Variants in GLIS3 observed in about 807,000 individuals in gnomAD.
The protein encoded by GLIS3 is zinc finger protein GLIS3.
A neutral mutation model predicts 78.6 loss-of-function variants in GLIS3; 53 were observed. That is an observed-to-expected ratio of 0.67 (90% CI 0.54 to 0.85). GLIS3 has a LOEUF of 0.85. GLIS3 is among the 40% of genes least tolerant of loss of function. The probability of loss-of-function intolerance (pLI) is 0.00; values close to 1 mark genes in which losing one functional copy is unlikely to be tolerated. For missense variants in GLIS3, 1,703 were observed against 1,231.1 expected (o/e 1.38, Z -5.74); for synonymous variants, 684 against 509.9 (o/e 1.34, Z -4.60).
chr9:3,892,668 AAC>A (rs1474400199), intron 7 of GLIS3, among the ~76,000 whole-genome samples: 2 of 151,858 alleles, frequency 1.3e-5, no homozygotes, highest in Non-Finnish European at 1.5e-5. Flanking sequence ...CCTGAATAGG[AAC>A]AGTTTTTTTT....
At chr9:3,894,544 T>C (rs995461965) in intron 7 of GLIS3, among the ~76,000 whole-genome samples, 6 of 152,152 alleles carry the variant, frequency 3.9e-5, no homozygotes, top group Non-Finnish European at 5.9e-5. Flanking sequence ...AAATCCTGTA[T>C]AGATTTTTAT....
chr9:3,932,495 C>G (rs1825681155), intron 5 of GLIS3, 25 bp from the exon 6 acceptor site: 1 of 1,510,582 alleles, frequency 6.6e-7, no homozygotes, highest in Non-Finnish European at 9.2e-7. Context: ...AAGAAAGAAA[C>G]AGCTGTGGTT....
At chr9:4,121,620 G>GACTGAC (rs1832187794) in intron 3 of GLIS3, among the ~76,000 whole-genome samples, 1 of 142,114 alleles carries the variant, frequency 7.0e-6, no homozygotes, top group Non-Finnish European at 1.5e-5. Flanking sequence ...TTCTCCCAGT[G>GACTGAC]ACACACACAC....
At chr9:4,259,552 C>T (rs992709425) in intron 2 of GLIS3, among the ~76,000 whole-genome samples, 1 of 152,140 alleles carries the variant, frequency 6.6e-6, no homozygotes, top group African/African-American at 2.4e-5. Flanking sequence ...CTCCCCCCAC[C>T]GCCCACCCCA....
intron 4 of GLIS3, among the ~76,000 whole-genome samples, chr9:4,065,142 C>A (rs1826986572): frequency 6.6e-6 from 1 of 152,106 alleles, no homozygotes; most frequent in African/African-American, 2.4e-5. Flanking sequence ...TGATTTTTCC[C>A]AGAACTCTCC....
chr9:4,365,532 G>A, the GLIS3 span, among the ~76,000 whole-genome samples: 1 of 151,666 alleles, frequency 6.6e-6, no homozygotes, highest in Non-Finnish European at 1.5e-5. Flanking sequence ...CTCCAGCCTG[G>A]GTGACAGAGT....
At chr9:4,068,232 AAAC>A (rs1472292242) in intron 4 of GLIS3, among the ~76,000 whole-genome samples, 2 of 152,196 alleles carry the variant, frequency 1.3e-5, no homozygotes, top group Non-Finnish European at 2.9e-5. Flanking sequence ...AATGTAATAA[AAAC>A]AATAATTTTT....
At chr9:3,892,476 A>AT (rs1458583150) in intron 7 of GLIS3, among the ~76,000 whole-genome samples, 1 of 152,198 alleles carries the variant, frequency 6.6e-6, no homozygotes, top group Non-Finnish European at 1.5e-5. Flanking sequence ...TGGAATGAAT[A>AT]AATTCCACAA....
chr9:4,378,213 T>C, the GLIS3 span, among the ~76,000 whole-genome samples: 3 of 152,306 alleles, frequency 2.0e-5, no homozygotes, highest in East Asian at 5.8e-4. Context: ...ACTATATATA[T>C]ATATAATTAA....
intron 4 of GLIS3, among the ~76,000 whole-genome samples, chr9:4,061,500 C>G (rs1334257219): frequency 1.3e-5 from 2 of 151,964 alleles, no homozygotes; most frequent in African/African-American, 4.8e-5. Flanking sequence ...CATTACATCA[C>G]AACATAAGAA....
the GLIS3 span, among the ~76,000 whole-genome samples, chr9:4,410,705 G>A: frequency 6.6e-6 from 1 of 152,164 alleles, no homozygotes; most frequent in African/African-American, 2.4e-5. Context: ...ACGTTGTCAA[G>A]GATACTCAAC....
At chr9:4,382,320 T>C in the GLIS3 span, among the ~76,000 whole-genome samples, 3 of 152,338 alleles carry the variant, frequency 2.0e-5, no homozygotes, top group East Asian at 5.8e-4. Context: ...GAAATTCAAC[T>C]GGAGAGTTAG....
intron 4 of GLIS3, among the ~76,000 whole-genome samples, chr9:4,109,541 C>G (rs184192181): frequency 8.5e-4 from 129 of 152,310 alleles, no homozygotes; most frequent in African/African-American, 3.0e-3. Context: ...AGGAATTAAA[C>G]TATAAACTTT....
At position 3,987,086 on chromosome 9, in the gene GLIS3, A is replaced by C. The variant is rs138849356; in HGVS notation, c.1711-49897T>G. Among the ~76,000 whole-genome samples the C allele has an allele frequency of 8.9e-3, 1,354 of 152,330 alleles. 26 individuals carry two copies. Among genetic ancestry groups the C allele is most frequent in the African/African-American group, 0.031 (1,292 of 41,570 alleles). ...AACAATGAATTACAAATTCTTTTGA[A>C]ACAAATGGAAAAAATTAGAAAATTC... On this transcript the variant is annotated intron_variant, in intron 4 of 10. Transcript: ENST00000381971.
the GLIS3 span, among the ~76,000 whole-genome samples, chr9:4,438,362 A>C: frequency 1.3e-5 from 2 of 152,210 alleles, no homozygotes; most frequent in African/African-American, 4.8e-5. Flanking sequence ...AGTTTATACT[A>C]ATTAAAAGCA....
At chr9:3,839,311 T>C (rs1485357150) in intron 9 of GLIS3, among the ~76,000 whole-genome samples, 3 of 152,208 alleles carry the variant, frequency 2.0e-5, no homozygotes, top group Admixed American at 2.0e-4. Context: ...ATGGAGCCTT[T>C]GTATTAAAAC....
At chr9:4,196,509 G>A (rs1299908120) in intron 2 of GLIS3, among the ~76,000 whole-genome samples, 1 of 152,180 alleles carries the variant, frequency 6.6e-6, no homozygotes, top group African/African-American at 2.4e-5. Context: ...TCACCATAAA[G>A]TTCTGCAGCT....
chr9:4,064,256 G>C (rs1421672355), intron 4 of GLIS3, among the ~76,000 whole-genome samples: 1 of 152,012 alleles, frequency 6.6e-6, no homozygotes, highest in Non-Finnish European at 1.5e-5. Flanking sequence ...AAGGAATAAA[G>C]ATAGGTGAAG....
At chr9:3,996,538 G>C (rs912528525) in intron 4 of GLIS3, among the ~76,000 whole-genome samples, 2 of 152,176 alleles carry the variant, frequency 1.3e-5, no homozygotes, top group Non-Finnish European at 2.9e-5. Context: ...GTCAAAACTT[G>C]TAGGATGCAG....
Sources: gnomAD v4.1 joint callset for allele counts (sites outside exome capture counted in the v4.1 genomes callset) on GRCh38, gnomAD v4.1.1 for gene constraint, MANE v1.5 for transcripts, NCBI Gene and HGNC (gene_info 2026-07-23, HGNC 2026-07-21) for gene names.